The following PCDHGB5 variants were observed in gnomAD, a reference collection of about 807,000 sequenced individuals.
PCDHGB5 encodes the protein protocadherin gamma subfamily B, 5, also known as protocadherin gamma-B5.
A neutral mutation model predicts 62.9 loss-of-function variants in PCDHGB5; 48 were observed. The ratio of observed to expected loss-of-function variants is 0.76; its 90% confidence interval spans 0.61 to 0.97. The LOEUF (loss-of-function observed/expected upper bound fraction) is 0.97. Among genes scored for constraint, PCDHGB5 ranks in the 50% least tolerant of loss-of-function variants. The probability of loss-of-function intolerance (pLI) is 0.00; values close to 1 mark genes in which losing one functional copy is unlikely to be tolerated. For missense variants in PCDHGB5, 1,118 were observed against 1,198.6 expected (o/e 0.93, Z 0.99); for synonymous variants, 474 against 511.2 (o/e 0.93, Z 0.98).
chr5:141,422,910 C>T (rs756589496), intron 1 of PCDHGB5: 2 of 1,614,252 alleles, frequency 1.2e-6, no homozygotes, highest in South Asian at 1.1e-5. Context: ...ACAATGCGCC[C>T]GAGATCCTGT....
Position 141,487,591 on chromosome 5 carries a change from C to G in PCDHGB5, c.2398-7216C>G, listed in dbSNP as rs2099653282. The G allele has an allele frequency of 1.2e-6, 2 of 1,614,176 alleles. No individual in the cohort carries two copies. The highest frequency in any genetic ancestry group is 1.7e-6 in the Non-Finnish European group (2 of 1,180,036). ...AGCCTGTTCGCCCAAGCTGCCCACC[C>G]TCTGATCTTCTCTATGGGCTAGAGG... is the stretch of plus-strand genomic sequence containing the variant. On this transcript the variant is annotated intron_variant, in intron 1 of 3. Coordinates refer to ENST00000617380, the MANE Select transcript of PCDHGB5 (RefSeq NM_018925.3). The surrounding 1 kb of genome is among the most constrained non-coding windows in gnomAD (Gnocchi z 5.0).
chr5:141,506,216 T>A (rs2237080), intron 3 of PCDHGB5, among the ~76,000 whole-genome samples: 78,167 of 151,604 alleles, frequency 0.52, 20,820 homozygotes, highest in African/African-American at 0.63. Flanking sequence ...TTTGGGAAGC[T>A]GAGGCAGGAG....
intron 1 of PCDHGB5, among the ~76,000 whole-genome samples, chr5:141,438,587 CATACATATAT>C (rs1422309749): frequency 6.8e-5 from 5 of 73,430 alleles, no homozygotes; most frequent in South Asian, 5.1e-4. Context: ...TACATACATA[CATACATATAT>C]ATATATATAT....
intron 1 of PCDHGB5, chr5:141,404,445 G>GT: frequency 6.2e-7 from 1 of 1,613,280 alleles, no homozygotes; most frequent in Non-Finnish European, 8.5e-7. Context: ...ACCATCCAAG[G>GT]GTCTCCTCTC....
chr5:141,471,786 A>AT (rs531568169), intron 1 of PCDHGB5, among the ~76,000 whole-genome samples: 23 of 152,362 alleles, frequency 1.5e-4, no homozygotes, highest in African/African-American at 5.5e-4. Flanking sequence ...ACATTATGCT[A>AT]TGTCATATAA....
intron 1 of PCDHGB5, among the ~76,000 whole-genome samples, chr5:141,472,711 C>T (rs1014451209): frequency 4.6e-5 from 7 of 151,904 alleles, no homozygotes; most frequent in Admixed American, 2.0e-4. Context: ...ACAGGCCAGG[C>T]GCTGTGGCTC....
chr5:141,418,064 A>T, intron 1 of PCDHGB5: 1 of 1,614,006 alleles, frequency 6.2e-7, no homozygotes, highest in Non-Finnish European at 8.5e-7. Flanking sequence ...GCTGCGAGTG[A>T]GCGCGGAGAA....
At chr5:141,418,295 G>A (rs751665486) in intron 1 of PCDHGB5, 1 of 1,613,996 alleles carries the variant, frequency 6.2e-7, no homozygotes, top group Admixed American at 1.7e-5. Context: ...CAGTGAATCC[G>A]TCAGCCTGGG....
Position 141,502,866 on chromosome 5 carries a change from C to CTTTTTTTTTTTTT in PCDHGB5, c.2457-2525_2457-2513dup, listed in dbSNP as rs549047197. ...GAGCTGCCTAACCCTGACTCTCTGT[C>CTTTTTTTTTTTTT]TTTTTTTTTTTTTTGACAGGGAGTC... On this transcript the variant is annotated intron_variant, in intron 2 of 3. Transcript: ENST00000617380. Among the ~76,000 whole-genome samples, 40 of 128,010 alleles carry CTTTTTTTTTTTTT rather than the reference C, an allele frequency of 3.1e-4. 6 individuals carry two copies. The highest frequency in any genetic ancestry group is 5.1e-4 in the Admixed American group (6 of 11,656). 84.0% of individuals were successfully genotyped at this position (128,010 alleles called of 152,430 possible). A position where few individuals can be genotyped will look rare whatever the true frequency, so the allele number is the denominator to read the frequency against.
Position 141,490,310 on chromosome 5 carries a change from AC to A in PCDHGB5, c.2398-4494del. 1 of 1,614,084 alleles carries A rather than the reference AC, an allele frequency of 6.2e-7. No homozygotes were observed. The highest frequency in any genetic ancestry group is 8.5e-7 in the Non-Finnish European group (1 of 1,180,012). ...GAGGTGCTATTGGCCTCTTTGGCCA[AC>A]CCTGTCCTAGAGAGCACACCAGTGG... is the stretch of plus-strand genomic sequence containing the variant. On this transcript the variant is annotated intron_variant, in intron 1 of 3. Transcript: ENST00000617380. This position sits in a 1 kb window ranked among gnomAD's most constrained non-coding sequence, Gnocchi z 5.4.
At chr5:141,415,767 T>TTTTTTTTTTTTTTTTTTTTTG (rs2095942916) in intron 1 of PCDHGB5, 1 of 1,300,668 alleles carries the variant, frequency 7.7e-7, no homozygotes, top group African/African-American at 1.8e-5. Flanking sequence ...TTTTTTTTTT[T>TTTTTTTTTTTTTTTTTTTTTG]TTTTTACTTT....
chr5:141,477,857 C>T lies in PCDHGB5; in HGVS notation c.2398-16950C>T. ...AGGTGGGAGCTCGGTGGAGATGCTG[C>T]CTCGAGGTACCTCAGCTGGCCACCT... On this transcript the variant is annotated intron_variant, in intron 1 of 3. Transcript: ENST00000617380. The surrounding 1 kb of genome is among the most constrained non-coding windows in gnomAD (Gnocchi z 4.9). The T allele has an allele frequency of 6.2e-7, 1 of 1,613,574 alleles. No individual in the cohort carries two copies. The highest frequency in any genetic ancestry group is 8.5e-7 in the Non-Finnish European group (1 of 1,179,836).
At chr5:141,484,873 G>A (rs754469397) in intron 1 of PCDHGB5, 50 of 322,006 alleles carry the variant, frequency 1.6e-4, no homozygotes, top group Non-Finnish European at 2.5e-4. Flanking sequence ...GAGCGTGGAG[G>A]ATAGGGTGGG....
chr5:141,470,452 G>A (rs981528762), intron 1 of PCDHGB5, among the ~76,000 whole-genome samples: 1 of 152,130 alleles, frequency 6.6e-6, no homozygotes, highest in Admixed American at 6.5e-5. Flanking sequence ...ATAGCATCTT[G>A]AATAGGATTT....
At chr5:141,427,970 C>G in intron 1 of PCDHGB5, 1 of 1,592,510 alleles carries the variant, frequency 6.3e-7, no homozygotes. Context: ...GGGTGCTGTA[C>G]CCCGCGCTGG....
intron 2 of PCDHGB5, among the ~76,000 whole-genome samples, chr5:141,502,194 T>C (rs1470985683): frequency 2.6e-5 from 4 of 152,212 alleles, no homozygotes; most frequent in Non-Finnish European, 4.4e-5. Flanking sequence ...TACAATAATA[T>C]AGAATCCACC....
chr5:141,486,287 A>G lies in PCDHGB5; in HGVS notation c.2398-8520A>G, dbSNP rs1484787777. Reference sequence around the variant, plus strand: ...AGAACCTGGCACTGTGGTGGCACTTATCAGTGTGCAGGATCCAGACTCAGG... The same window carrying G: ...AGAACCTGGCACTGTGGTGGCACTTGTCAGTGTGCAGGATCCAGACTCAGG... On this transcript the variant is annotated intron_variant, in intron 1 of 3. Transcript: ENST00000617380. The surrounding 1 kb of genome is among the most constrained non-coding windows in gnomAD (Gnocchi z 5.0). 1 of 1,613,912 alleles carries G rather than the reference A, an allele frequency of 6.2e-7. No homozygotes were observed. The highest frequency in any genetic ancestry group is 8.5e-7 in the Non-Finnish European group (1 of 1,179,970).
chr5:141,486,637 G>T lies in PCDHGB5; in HGVS notation c.2398-8170G>T. On this transcript the variant is annotated intron_variant, in intron 1 of 3. Coordinates refer to ENST00000617380, the MANE Select transcript of PCDHGB5 (RefSeq NM_018925.3). This position sits in a 1 kb window ranked among gnomAD's most constrained non-coding sequence, Gnocchi z 5.0. ...CTGACCCAGACTCTGGCTTGAATGCGCTTATCTCCTACTCACTCCTGGAGC... is the reference window on the plus strand; with the variant it reads ...CTGACCCAGACTCTGGCTTGAATGCTCTTATCTCCTACTCACTCCTGGAGC... 6.2e-7 allele frequency: 1 copy of T among 1,613,638 alleles called. No homozygotes were observed. The highest frequency in any genetic ancestry group is 8.5e-7 in the Non-Finnish European group (1 of 1,180,034).
At position 141,485,163 on chromosome 5, in the gene PCDHGB5, G is replaced by A. The variant is rs2099608470; in HGVS notation, c.2398-9644G>A. 14 of 1,604,624 alleles carry A rather than the reference G, an allele frequency of 8.7e-6. No individual in the cohort carries two copies. The highest frequency in any genetic ancestry group is 1.1e-5 in the Non-Finnish European group (13 of 1,172,560). ...TCTCAGGAGCAAGTAGAGAATTAGCGGGCGGCAGCAATGCTCCGCAAGGTG... is the reference window on the plus strand; with the variant it reads ...TCTCAGGAGCAAGTAGAGAATTAGCAGGCGGCAGCAATGCTCCGCAAGGTG... On this transcript the variant is annotated intron_variant, in intron 1 of 3. Coordinates refer to ENST00000617380, the MANE Select transcript of PCDHGB5 (RefSeq NM_018925.3). The surrounding 1 kb of genome is among the most constrained non-coding windows in gnomAD (Gnocchi z 5.7).
Sources: gnomAD v4.1 joint callset for allele counts (sites outside exome capture counted in the v4.1 genomes callset) on GRCh38, gnomAD v4.1.1 for gene constraint, Gnocchi (gnomAD v3.1) non-coding constraint, MANE v1.5 for transcripts, NCBI Gene and HGNC (gene_info 2026-07-23, HGNC 2026-07-21) for gene names.